Variants in SLC25A48 observed in about 807,000 individuals in gnomAD.
SLC25A48 encodes CTC-321K16.1.
A neutral mutation model predicts 32.2 loss-of-function variants in SLC25A48; 29 were observed. The observed-to-expected ratio is 0.90, with a 90% CI of 0.67 to 1.23. The LOEUF (loss-of-function observed/expected upper bound fraction) is 1.23. Ranked by LOEUF, SLC25A48 falls within the 50% of genes most tolerant of loss-of-function variation. SLC25A48 has a pLI of 0.00. For synonymous variants in SLC25A48, 164 were observed against 172.3 expected, an observed-to-expected ratio of 0.95 and a Z score of 0.38; for missense variants, 399 against 422.7, an observed-to-expected ratio of 0.94 and a Z score of 0.49.
intron 3 of SLC25A48, among the ~76,000 whole-genome samples, chr5:135,669,936 T>C (rs1753615816): frequency 6.6e-6 from 1 of 152,236 alleles, no homozygotes; most frequent in Non-Finnish European, 1.5e-5. Context: ...TAGAGGTCTC[T>C]GTTCTCCATG....
rs199537352 is a variant in SLC25A48 at position 135,819,164 on chromosome 5, AT to A, written c.-117+6241del. Among the ~76,000 whole-genome samples the A allele has an allele frequency of 7.3e-3, 1,110 of 152,214 alleles. 8 individuals carry two copies. The highest frequency in any genetic ancestry group is 0.012 in the Non-Finnish European group (797 of 67,980). Reference sequence around the variant, plus strand: ...GAGAAGAAATAGGCTAAAAAAAAAAATTTGACAAAATAAAGATCTAAAGCTT... The same window carrying A: ...GAGAAGAAATAGGCTAAAAAAAAAAATTGACAAAATAAAGATCTAAAGCTT... On this transcript the variant is annotated intron_variant, in intron 4 of 10. Coordinates refer to the SLC25A48 transcript ENST00000646290.
At chr5:135,729,544 A>G (rs1485584922) in intron 3 of SLC25A48, among the ~76,000 whole-genome samples, 1 of 152,192 alleles carries the variant, frequency 6.6e-6, no homozygotes, top group East Asian at 1.9e-4. Flanking sequence ...TCAGCCTAAA[A>G]AAGTGGCATC....
chr5:135,806,744 T>A (rs1358867569), intron 3 of SLC25A48, among the ~76,000 whole-genome samples: 2 of 150,150 alleles, frequency 1.3e-5, no homozygotes, highest in African/African-American at 2.4e-5. Flanking sequence ...GATATAATTA[T>A]CACAGATATT....
intron 1 of SLC25A48, among the ~76,000 whole-genome samples, chr5:135,605,333 G>A (rs17168720): frequency 0.067 from 10,228 of 152,290 alleles, 363 homozygotes; most frequent in South Asian, 0.15. Context: ...CTGAAAGGCT[G>A]GGAGGTCTCG....
chr5:135,808,894 C>T (rs17597705), intron 3 of SLC25A48, among the ~76,000 whole-genome samples: 4,642 of 152,242 alleles, frequency 0.03, 119 homozygotes, highest in South Asian at 0.098. Flanking sequence ...ATCTCTTTCC[C>T]GTTTCAACAA....
rs561086259 is a variant in SLC25A48 at position 135,771,810 on chromosome 5, A to AG, written c.-520-40705dup. On this transcript the variant is annotated intron_variant, in intron 3 of 10. Transcript: ENST00000646290. ...TCTTGTAATATTGTTTGTAATATTT[A>AG]GGGGGGGGAGAACATAATATTACTC... 7.8e-3 allele frequency among the ~76,000 whole-genome samples: 576 copies of AG among 73,770 alleles called. 6 individuals are homozygous for AG. The highest frequency in any genetic ancestry group is 0.028 in the African/African-American group (516 of 18,656). 48.4% of individuals were successfully genotyped at this position (73,770 alleles called of 152,430 possible).
At chr5:135,619,199 T>C (rs1219327795) in intron 1 of SLC25A48, among the ~76,000 whole-genome samples, 1 of 152,158 alleles carries the variant, frequency 6.6e-6, no homozygotes. Flanking sequence ...TTAAAATTCT[T>C]TTTCTTTTAA....
At chr5:135,591,695 G>A (rs1457760012) in intron 1 of SLC25A48, among the ~76,000 whole-genome samples, 1 of 152,228 alleles carries the variant, frequency 6.6e-6, no homozygotes, top group East Asian at 1.9e-4. Context: ...TGGGGAGTGG[G>A]AGCTGGTGAG....
chr5:135,690,943 C>CT (rs753028799), intron 3 of SLC25A48, among the ~76,000 whole-genome samples: 1 of 62,344 alleles, frequency 1.6e-5, no homozygotes, highest in African/African-American at 5.3e-5. Context: ...TCAGGGAAGG[C>CT]ATTTTTTTTT....
chr5:135,604,243 G>A (rs1398947264), intron 1 of SLC25A48, among the ~76,000 whole-genome samples: 3 of 152,128 alleles, frequency 2.0e-5, no homozygotes, highest in African/African-American at 7.2e-5. Context: ...TTAACTGCAT[G>A]AACAAGTAAA....
At chr5:135,851,104 A>G (rs1172427907) in intron 3 of SLC25A48, among the ~76,000 whole-genome samples, 1 of 152,234 alleles carries the variant, frequency 6.6e-6, no homozygotes, top group Non-Finnish European at 1.5e-5. Context: ...ATTTAAAGAA[A>G]CCATCAGGTG....
chr5:135,642,940 T>C lies in SLC25A48; in HGVS notation c.-521+7984T>C, dbSNP rs1752874620. The stretch of plus-strand genomic sequence containing the variant: ...ATCACTTATGGCTTCTGCAAAGAAA[T>C]TGAGAGACTATCTCACACATAGGCT... On this transcript the variant is annotated intron_variant, in intron 3 of 10. Transcript: ENST00000646290. Among the ~76,000 whole-genome samples, 5 of 152,136 alleles carry C rather than the reference T, an allele frequency of 3.3e-5. No homozygotes were observed. The South Asian group carries it at 1.0e-3, about 32-fold the overall frequency.
chr5:135,883,245 G>T (rs1297115570), intron 7 of SLC25A48: 1 of 985,344 alleles, frequency 1.0e-6, no homozygotes, highest in Admixed American at 6.1e-5. Context: ...CGGAGCTTCT[G>T]CCTTGGAGGG....
At chr5:135,838,785 T>C (rs184694144) in intron 1 of SLC25A48, among the ~76,000 whole-genome samples, 9 of 152,376 alleles carry the variant, frequency 5.9e-5, no homozygotes, top group Non-Finnish European at 1.5e-5. Flanking sequence ...AACTGCCATC[T>C]AGATTTCAGA....
At chr5:135,762,420 C>G (rs533279797) in intron 3 of SLC25A48, among the ~76,000 whole-genome samples, 12 of 152,164 alleles carry the variant, frequency 7.9e-5, no homozygotes, top group Non-Finnish European at 8.8e-5. Flanking sequence ...TCCAGGTGTG[C>G]TCTTGTGTAC....
At chr5:135,730,536 A>G (rs1755199121) in intron 3 of SLC25A48, among the ~76,000 whole-genome samples, 1 of 152,218 alleles carries the variant, frequency 6.6e-6, no homozygotes, top group Admixed American at 6.5e-5. Flanking sequence ...AGTCTTGGGT[A>G]TGTCTTAATC....
At chr5:135,772,209 C>T (rs144074263) in intron 3 of SLC25A48, among the ~76,000 whole-genome samples, 10 of 151,586 alleles carry the variant, frequency 6.6e-5, no homozygotes, top group African/African-American at 2.4e-4. Context: ...ACTTTACTCC[C>T]AATATCGCAG....
intron 3 of SLC25A48, among the ~76,000 whole-genome samples, chr5:135,730,961 G>C (rs910799564): frequency 6.6e-6 from 1 of 152,158 alleles, no homozygotes; most frequent in Non-Finnish European, 1.5e-5. Context: ...CCCCAACCAG[G>C]GCTCTTTCCA....
chr5:135,806,822 T>G (rs1199383144), intron 3 of SLC25A48, among the ~76,000 whole-genome samples: 1 of 150,164 alleles, frequency 6.7e-6, no homozygotes, highest in Non-Finnish European at 1.5e-5. Flanking sequence ...TTATTAGTAA[T>G]ATCTCAGTGT....
Sources: allele counts gnomAD v4.1 joint callset (sites outside exome capture counted in the v4.1 genomes callset), GRCh38; gene constraint gnomAD v4.1.1; transcripts MANE v1.5; gene names NCBI Gene and HGNC (gene_info 2026-07-23, HGNC 2026-07-21).